CCDC148: variants seen among roughly 807,000 people sequenced by gnomAD.
CCDC148 encodes the protein coiled-coil domain containing 148.
A neutral mutation model predicts 85.7 loss-of-function variants in CCDC148; 89 were observed. That is an observed-to-expected ratio of 1.04 (90% CI 0.87 to 1.24). The LOEUF is 1.24. Among genes scored for constraint, CCDC148 ranks in the 50% most tolerant of loss-of-function variants. The pLI, the probability that CCDC148 is intolerant of heterozygous loss-of-function variation, is 0.00. For missense variants in CCDC148, 692 were observed against 671.7 expected, an observed-to-expected ratio of 1.03 and a Z score of -0.33; for synonymous variants, 230 against 213.9, an observed-to-expected ratio of 1.08 and a Z score of -0.66.
intron 1 of CCDC148, chr2:158,380,938 T>C (rs1684844742): frequency 6.6e-6 from 1 of 152,176 alleles, no homozygotes; most frequent in Non-Finnish European, 1.5e-5. Context: ...ATTCTTGATC[T>C]CCTACTTCCC....
chr2:158,227,175 G>A (rs1479783457), intron 10 of CCDC148, among the ~76,000 whole-genome samples: 1 of 152,042 alleles, frequency 6.6e-6, no homozygotes, highest in Non-Finnish European at 1.5e-5. Context: ...GACAAACAGA[G>A]AGCCAAATCA....
intron 1 of CCDC148, among the ~76,000 whole-genome samples, chr2:158,430,579 T>C (rs1687301825): frequency 6.6e-6 from 1 of 152,202 alleles, no homozygotes. Flanking sequence ...ACAGTTAATA[T>C]TAATTTATTG....
intron 1 of CCDC148, among the ~76,000 whole-genome samples, chr2:158,386,847 C>T (rs1187356331): frequency 6.6e-6 from 1 of 152,102 alleles, no homozygotes; most frequent in Non-Finnish European, 1.5e-5. Flanking sequence ...ATTCAATCTG[C>T]ATTCACCTTC....
At chr2:158,201,295 AC>A (rs1441824709) in intron 11 of CCDC148, among the ~76,000 whole-genome samples, 2 of 152,176 alleles carry the variant, frequency 1.3e-5, no homozygotes, top group African/African-American at 4.8e-5. Flanking sequence ...AAGTCTCAAT[AC>A]CAGTGTTACC....
chr2:158,404,257 A>C (rs1014611907), intron 1 of CCDC148, among the ~76,000 whole-genome samples: 7 of 152,074 alleles, frequency 4.6e-5, no homozygotes, highest in African/African-American at 1.7e-4. Flanking sequence ...CAAGGATGGA[A>C]GCGCACCCTA....
intron 1 of CCDC148, among the ~76,000 whole-genome samples, chr2:158,414,969 C>T (rs1686429258): frequency 1.3e-5 from 2 of 152,056 alleles, no homozygotes; most frequent in Admixed American, 1.3e-4. Context: ...CTCTGTCACC[C>T]ATAAAGAGAT....
At chr2:158,309,356 G>A in intron 9 of CCDC148, 77 bp downstream of exon 9, 3 of 1,220,894 alleles carry the variant, frequency 2.5e-6, no homozygotes, top group Non-Finnish European at 2.3e-6. Context: ...CTGAACTTTA[G>A]GTTGAGTTTG....
chr2:158,277,796 C>T (rs890574604), intron 9 of CCDC148, among the ~76,000 whole-genome samples: 4 of 152,174 alleles, frequency 2.6e-5, no homozygotes, highest in South Asian at 4.1e-4. Flanking sequence ...TGGGGTTTCA[C>T]CGTGTTAGCC....
chr2:158,305,522 G>A (rs74843118), intron 9 of CCDC148, among the ~76,000 whole-genome samples: 1 of 152,140 alleles, frequency 6.6e-6, no homozygotes, highest in African/African-American at 2.4e-5. Context: ...AACGCAGGAA[G>A]ATTGCTTGAG....
intron 3 of CCDC148, among the ~76,000 whole-genome samples, chr2:158,344,535 T>A (rs1682897504): frequency 6.6e-6 from 1 of 152,134 alleles, no homozygotes; most frequent in Non-Finnish European, 1.5e-5. Context: ...AATATCATCA[T>A]TAAAACAAGT....
At chr2:158,452,931 C>T (rs1055591815) in intron 1 of CCDC148, among the ~76,000 whole-genome samples, 4 of 152,214 alleles carry the variant, frequency 2.6e-5, no homozygotes, top group African/African-American at 9.6e-5. Flanking sequence ...AAATGTAACC[C>T]TTAACTTGCT....
At chr2:158,336,556 T>C (rs1281998195) in intron 7 of CCDC148, among the ~76,000 whole-genome samples, 1 of 152,180 alleles carries the variant, frequency 6.6e-6, no homozygotes, top group African/African-American at 2.4e-5. Context: ...CAATGACTAC[T>C]GTATTTTAAG....
At chr2:158,209,141 TA>T (rs1231420985) in intron 11 of CCDC148, among the ~76,000 whole-genome samples, 6 of 152,000 alleles carry the variant, frequency 3.9e-5, no homozygotes, top group Non-Finnish European at 7.4e-5. Context: ...TACACATACA[TA>T]TTTTTTTTCA....
intron 7 of CCDC148, among the ~76,000 whole-genome samples, chr2:158,330,756 GAATC>G (rs2105231555): frequency 6.6e-6 from 1 of 152,250 alleles, no homozygotes; most frequent in South Asian, 2.1e-4. Context: ...ATGTGTTAAT[GAATC>G]TATCCATTTC....
intron 9 of CCDC148, among the ~76,000 whole-genome samples, chr2:158,263,823 T>C (rs1000035818): frequency 6.6e-6 from 1 of 152,010 alleles, no homozygotes; most frequent in Non-Finnish European, 1.5e-5. Context: ...TCAAAAATCC[T>C]TTCCTGTAAT....
At chr2:158,451,894 A>T (rs746208659) in intron 1 of CCDC148, among the ~76,000 whole-genome samples, 4 of 152,160 alleles carry the variant, frequency 2.6e-5, no homozygotes, top group Non-Finnish European at 5.9e-5. Flanking sequence ...GAAGCCTTGG[A>T]TGGCAAGGAA....
intron 1 of CCDC148, among the ~76,000 whole-genome samples, chr2:158,371,595 T>C (rs1407659898): frequency 6.6e-6 from 1 of 151,948 alleles, no homozygotes; most frequent in African/African-American, 2.4e-5. Context: ...AATAATGACA[T>C]TTATACAATT....
At chr2:158,453,719 T>A (rs893253976) in intron 1 of CCDC148, among the ~76,000 whole-genome samples, 2 of 152,186 alleles carry the variant, frequency 1.3e-5, no homozygotes, top group African/African-American at 4.8e-5. Context: ...ATGAAAAAAA[T>A]AAACATTGGA....
chr2:158,382,002 C>A (rs1358570038), intron 1 of CCDC148, among the ~76,000 whole-genome samples: 5 of 152,130 alleles, frequency 3.3e-5, no homozygotes, highest in Non-Finnish European at 5.9e-5. Context: ...GTTATTAAGT[C>A]ATGAGGGCTT....
Sources: gnomAD v4.1 joint callset for allele counts (sites outside exome capture counted in the v4.1 genomes callset) on GRCh38, gnomAD v4.1.1 for gene constraint, MANE v1.5 for transcripts, NCBI Gene and HGNC (gene_info 2026-07-23, HGNC 2026-07-21) for gene names.